Variants in KITLG observed in about 807,000 individuals in gnomAD.
KITLG encodes c-Kit ligand.
In KITLG, 13 loss-of-function variants were observed where a neutral mutation model predicts 34.1. That is an observed-to-expected ratio of 0.38 (90% CI 0.25 to 0.61). The LOEUF is 0.61. Ranked by LOEUF, KITLG falls within the 20% of genes least tolerant of loss-of-function variation. The pLI is 0.60. For missense variants in KITLG, 292 were observed against 318.9 expected, an observed-to-expected ratio of 0.92 and a Z score of 0.64; for synonymous variants, 110 against 104.0, an observed-to-expected ratio of 1.06 and a Z score of -0.35.
chr12:88,503,733 G>A (rs745309274), intron 9 of KITLG, among the ~76,000 whole-genome samples: 30 of 151,984 alleles, frequency 2.0e-4, no homozygotes, highest in African/African-American at 6.5e-4. Flanking sequence ...CAATCCCTCC[G>A]CAGACCCACA....
rs184422175 is a variant in KITLG at position 88,553,770 on chromosome 12, C to T, written c.16-7905G>A. 1.9e-4 allele frequency among the ~76,000 whole-genome samples: 29 copies of T among 152,252 alleles called. No individual in the cohort carries two copies. The East Asian group carries it at 4.2e-3, about 22-fold the overall frequency. ...TCTGTGTGCACTGTTACAACCAAGGCATGCAGTAGAAACAGTTCTGGTAGA... is the reference window on the plus strand; with the variant it reads ...TCTGTGTGCACTGTTACAACCAAGGTATGCAGTAGAAACAGTTCTGGTAGA... On this transcript the variant is annotated intron_variant, in intron 1 of 9. Coordinates refer to ENST00000644744, the MANE Select transcript of KITLG (RefSeq NM_000899.5).
chr12:88,534,514 G>A (rs11835610), intron 2 of KITLG, among the ~76,000 whole-genome samples: 4 of 151,958 alleles, frequency 2.6e-5, no homozygotes, highest in Admixed American at 6.6e-5. Context: ...TTACAGGCAC[G>A]CACCACTACA....
chr12:88,510,163 A>C (rs568338207), intron 6 of KITLG, among the ~76,000 whole-genome samples: 1 of 152,286 alleles, frequency 6.6e-6, no homozygotes, highest in South Asian at 2.1e-4. Context: ...ACAGAACACA[A>C]AGAATTGTGC....
chr12:88,580,384 C>A lies in KITLG; in HGVS notation c.-106G>T. 1 of 1,318,798 alleles carries A rather than the reference C, an allele frequency of 7.6e-7. No individual in the cohort carries two copies. 81.7% of individuals were successfully genotyped at this position (1,318,798 alleles called of 1,614,324 possible). ...ACGAACAGCGGCGGCAGATAGTCCA[C>A]GCATTGGGTAGCCCGAGCGCAGCGC... On this transcript the variant is annotated 5_prime_UTR_variant, in exon 1 of 10. Transcript: ENST00000644744.
At position 88,573,301 on chromosome 12, in the gene KITLG, C is replaced by T. The variant is rs146405479; in HGVS notation, c.15+6963G>A. Among the ~76,000 whole-genome samples the T allele has an allele frequency of 7.1e-3, 1,079 of 152,248 alleles. 5 individuals carry two copies. Among genetic ancestry groups the T allele is most frequent in the Non-Finnish European group, 0.012 (842 of 68,002 alleles). On this transcript the variant is annotated intron_variant, in intron 1 of 9. Coordinates refer to ENST00000644744, the MANE Select transcript of KITLG (RefSeq NM_000899.5). ...AGCACACTTTCTCTGTCACACTCTT[C>T]TTGGAAGCCAAAGAATCTGTGTGTT...
chr12:88,540,407 T>C (rs1327579144), intron 2 of KITLG, among the ~76,000 whole-genome samples: 1 of 152,146 alleles, frequency 6.6e-6, no homozygotes, highest in East Asian at 1.9e-4. Flanking sequence ...TATACTGGGC[T>C]AAAAATAGTT....
intron 3 of KITLG, among the ~76,000 whole-genome samples, chr12:88,526,914 C>G (rs4842628): frequency 0.084 from 12,403 of 148,484 alleles, 561 homozygotes; most frequent in Non-Finnish European, 0.1. Context: ...TGTCACCCAG[C>G]CTGGAGTGCA....
intron 6 of KITLG, among the ~76,000 whole-genome samples, chr12:88,514,495 G>A (rs981824880): frequency 6.6e-6 from 1 of 151,524 alleles, no homozygotes; most frequent in Non-Finnish European, 1.5e-5. Flanking sequence ...TAGAATTTTA[G>A]GTTTCAGAAG....
At chr12:88,509,294 TAA>T (rs1257905309) in intron 6 of KITLG, among the ~76,000 whole-genome samples, 1 of 152,124 alleles carries the variant, frequency 6.6e-6, no homozygotes, top group Non-Finnish European at 1.5e-5. Flanking sequence ...AGACCAAACC[TAA>T]GTCTTGAAAT....
At chr12:88,545,604 A>T in intron 2 of KITLG, 148 bp downstream of exon 2, 1 of 606,100 alleles carries the variant, frequency 1.6e-6, no homozygotes, top group South Asian at 2.0e-5. Flanking sequence ...GCTTTCTATA[A>T]ACCCTTTATT....
At chr12:88,519,868 C>A (rs2120844558) in intron 3 of KITLG, among the ~76,000 whole-genome samples, 1 of 152,264 alleles carries the variant, frequency 6.6e-6, no homozygotes, top group Admixed American at 6.5e-5. Flanking sequence ...AAGCAATCCT[C>A]CCTCCTCAGC....
At chr12:88,522,529 G>A (rs1311122644) in intron 3 of KITLG, among the ~76,000 whole-genome samples, 1 of 150,932 alleles carries the variant, frequency 6.6e-6, no homozygotes, top group African/African-American at 2.4e-5. Flanking sequence ...CTGGGTTCAA[G>A]CGATTCTCCT....
chr12:88,542,457 T>TA (rs1021969415), intron 2 of KITLG, among the ~76,000 whole-genome samples: 2 of 152,114 alleles, frequency 1.3e-5, no homozygotes, highest in African/African-American at 4.8e-5. Context: ...GAGCTGGTAT[T>TA]AAAAAAACCT....
At chr12:88,541,894 A>T (rs1410447195) in intron 2 of KITLG, among the ~76,000 whole-genome samples, 1 of 152,192 alleles carries the variant, frequency 6.6e-6, no homozygotes, top group Non-Finnish European at 1.5e-5. Flanking sequence ...AAAAACTTCA[A>T]GTGTGTGGGC....
intron 3 of KITLG, among the ~76,000 whole-genome samples, chr12:88,528,112 T>C (rs942922369): frequency 5.9e-5 from 9 of 152,216 alleles, no homozygotes; most frequent in Non-Finnish European, 2.9e-5. Context: ...ATTAGGGCTG[T>C]GTTTCTTTTG....
At chr12:88,534,975 AT>A (rs1165927397) in intron 2 of KITLG, among the ~76,000 whole-genome samples, 3 of 152,158 alleles carry the variant, frequency 2.0e-5, no homozygotes, top group Non-Finnish European at 4.4e-5. Context: ...GGCATTCCAG[AT>A]AGAAAAACGC....
At chr12:88,573,901 G>C (rs545201264) in intron 1 of KITLG, among the ~76,000 whole-genome samples, 1 of 152,170 alleles carries the variant, frequency 6.6e-6, no homozygotes, top group Non-Finnish European at 1.5e-5. Flanking sequence ...TTGAGCTGCT[G>C]TCTGTGTACC....
At chr12:88,573,858 G>A (rs1023497696) in intron 1 of KITLG, among the ~76,000 whole-genome samples, 1 of 152,152 alleles carries the variant, frequency 6.6e-6, no homozygotes, top group African/African-American at 2.4e-5. Flanking sequence ...ACCCTAAAGA[G>A]CAAAGGCATT....
chr12:88,545,226 G>A (rs936652777), intron 2 of KITLG, among the ~76,000 whole-genome samples: 31 of 152,264 alleles, frequency 2.0e-4, no homozygotes, highest in Admixed American at 7.9e-4. Flanking sequence ...AGGGAGATGA[G>A]TCCCTTCAAC....
Sources: allele counts gnomAD v4.1 joint callset (sites outside exome capture counted in the v4.1 genomes callset), GRCh38; gene constraint gnomAD v4.1.1; transcripts MANE v1.5; gene names NCBI Gene and HGNC (gene_info 2026-07-23, HGNC 2026-07-21).